NOTCH2: variants seen among roughly 807,000 people sequenced by gnomAD.
NOTCH2 encodes the protein neurogenic locus notch homolog protein 2.
NOTCH2 carries 29 observed loss-of-function variants against 235.8 expected under a neutral mutation model. That is an observed-to-expected ratio of 0.12 (90% CI 0.09 to 0.17). The LOEUF (loss-of-function observed/expected upper bound fraction) is 0.17. NOTCH2 is among the 10% of genes least tolerant of loss of function. NOTCH2 has a pLI of 1.00. For synonymous variants in NOTCH2, 1,086 were observed against 1,141.5 expected, an observed-to-expected ratio of 0.95 and a Z score of 0.98; for missense variants, 2,285 against 3,150.2, an observed-to-expected ratio of 0.73 and a Z score of 6.57.
In NOTCH2 at chr1:119,976,832, G is replaced by A. The variant is rs898922993; in HGVS notation, c.875-7088C>T. Among the ~76,000 whole-genome samples the A allele has an allele frequency of 2.6e-5, 4 of 151,944 alleles. 1 individual carries two copies. Among genetic ancestry groups the A allele is most frequent in the Non-Finnish European group, 1.5e-5 (1 of 67,958 alleles). ...TTTCCCTCCTCAGTGGCTAGCACAC[G>A]TTATTCCTTGTGCCTGGGATAGTCT... On this transcript the variant is annotated intron_variant, in intron 5 of 33. Transcript: ENST00000256646.
chr1:119,919,466 G>A lies in NOTCH2; in HGVS notation c.5627C>T (p.Thr1876Ile). 6.2e-7 allele frequency: 1 copy of A among 1,613,860 alleles called. No individual in the cohort carries two copies. Among genetic ancestry groups the A allele is most frequent in the South Asian group, 1.1e-5 (1 of 91,072 alleles). ...GASLQAQTDR[T>I]GEMALHLAAR... ...TGCAAGGTGCAGGGCCATCTCACCA[G>A]TCCGGTCTGTCTGGGCCTGGAGGCT... Residue 1876 changes from threonine to isoleucine, a missense_variant, in exon 31 of 34, where the codon ACT (threonine) becomes ATT (isoleucine). This residue lies in a region of NOTCH2 where 128 missense variants were observed against 255.9 expected (regional missense o/e 0.50). Coordinates refer to ENST00000256646, the MANE Select transcript of NOTCH2 (RefSeq NM_024408.4).
At position 119,914,018 on chromosome 1, in the gene NOTCH2, G is replaced by A. The variant is rs1648978609; in HGVS notation, c.*1288C>T. The A allele has an allele frequency of 4.3e-6, 1 of 233,086 alleles. No individual in the cohort carries two copies. 14.4% of individuals were successfully genotyped at this position (233,086 alleles called of 1,614,324 possible). ...GTGTGAAAGAAAGATTGGTGAGCAGGCCTTTAAGCAGCAAGATAATCAGTA... is the reference window on the plus strand; with the variant it reads ...GTGTGAAAGAAAGATTGGTGAGCAGACCTTTAAGCAGCAAGATAATCAGTA... On this transcript the variant is annotated 3_prime_UTR_variant, in exon 34 of 34. Transcript: ENST00000256646.
chr1:119,918,444 A>G lies in NOTCH2; in HGVS notation c.5891T>C (p.Ile1964Thr), dbSNP rs752665791. The G allele has an allele frequency of 6.2e-7, 1 of 1,614,154 alleles. No homozygotes were observed. The highest frequency in any genetic ancestry group is 1.1e-5 in the South Asian group (1 of 91,080). ...TGCATTCACATCCGCTTGGCAGTTG[A>G]TCAGTTCTGCCACCATTCCCTCCAC... Reference protein sequence around the residue: ...LAVEGMVAELINCQADVNAVD... With the variant: ...LAVEGMVAELTNCQADVNAVD... Residue 1964 changes from isoleucine (I) to threonine (T), a missense_variant, in exon 32 of 34, where the codon ATC (isoleucine) becomes ACC (threonine). Physicochemically the swap from Ile to Thr is moderately conservative, Grantham distance 89. Transcript: ENST00000256646.
At chr1:119,932,607 A>ACATC (rs1553195299) in intron 22 of NOTCH2, among the ~76,000 whole-genome samples, 2 of 148,344 alleles carry the variant, frequency 1.3e-5, no homozygotes, top group African/African-American at 5.0e-5. Context: ...AAACAAACAA[A>ACATC]TATCTATCTA....
At chr1:119,966,225 C>G (rs1291084133) in intron 9 of NOTCH2, 151 bp downstream of exon 9, 9 of 685,364 alleles carry the variant, frequency 1.3e-5, no homozygotes, top group Non-Finnish European at 2.1e-5. Flanking sequence ...AACAAATTCT[C>G]TATTTCTGTA....
chr1:119,998,863 C>T (rs1324455618), intron 3 of NOTCH2, among the ~76,000 whole-genome samples: 3 of 138,508 alleles, frequency 2.2e-5, no homozygotes, highest in Non-Finnish European at 3.1e-5. Context: ...CGACAGGCCC[C>T]GGTTTGTGAT....
intron 26 of NOTCH2, 78 bp from the exon 27 acceptor site, chr1:119,922,856 A>C (rs1649336050): frequency 7.6e-6 from 12 of 1,583,576 alleles, no homozygotes; most frequent in Non-Finnish European, 1.0e-5. Context: ...AGAACATGTC[A>C]TAAAGGGTGA....
chr1:120,010,708 C>T (rs1420237234), intron 2 of NOTCH2, among the ~76,000 whole-genome samples: 38 of 152,354 alleles, frequency 2.5e-4, no homozygotes, highest in African/African-American at 9.1e-4. Flanking sequence ...GAACAGTCTT[C>T]AATGTGGGTG....
chr1:119,986,757 T>C (rs587730212), intron 5 of NOTCH2, among the ~76,000 whole-genome samples: 1 of 152,294 alleles, frequency 6.6e-6, no homozygotes, highest in East Asian at 1.9e-4. Flanking sequence ...CAATAATACC[T>C]GTGAAAATAT....
intron 1 of NOTCH2, among the ~76,000 whole-genome samples, chr1:120,043,234 C>G (rs1176332120): frequency 2.0e-5 from 3 of 148,158 alleles, no homozygotes; most frequent in Admixed American, 6.6e-5. Context: ...GTGAACACCT[C>G]AGCCAAACAA....
At position 120,069,461 on chromosome 1, in the gene NOTCH2, T is replaced by C. The variant is rs1240329520; in HGVS notation, c.-55A>G. ...CCGCCGCCGCCTGGGCAGATCCACATGGGGAGGGGGTCCCGATAGAGGAGC... is the reference window on the plus strand; with the variant it reads ...CCGCCGCCGCCTGGGCAGATCCACACGGGGAGGGGGTCCCGATAGAGGAGC... On this transcript the variant is annotated 5_prime_UTR_variant, in exon 1 of 34. It removes an upstream start codon present in the reference 5' UTR. Coordinates refer to ENST00000256646, the MANE Select transcript of NOTCH2 (RefSeq NM_024408.4). 3.6e-5 allele frequency: 54 copies of C among 1,515,174 alleles called. No individual in the cohort carries two copies. The highest frequency in any genetic ancestry group is 4.4e-5 in the Non-Finnish European group (50 of 1,140,318). The allele number at this position is 1,515,174 out of a possible 1,614,324, so 93.9% of individuals were successfully genotyped here. A position where few individuals can be genotyped will look rare whatever the true frequency, so the allele number is the denominator to read the frequency against.
At chr1:120,012,064 G>A (rs1167228479) in intron 2 of NOTCH2, among the ~76,000 whole-genome samples, 3 of 137,938 alleles carry the variant, frequency 2.2e-5, no homozygotes, top group Admixed American at 2.2e-4. Context: ...GAAGAGGCAG[G>A]ATTCAAACCC....
At chr1:120,069,239 G>A in intron 1 of NOTCH2, 95 bp downstream of exon 1, 1 of 1,527,502 alleles carries the variant, frequency 6.5e-7, no homozygotes, top group Non-Finnish European at 8.7e-7. Context: ...GGCCGAGCCT[G>A]GCCTTCCCAC....
At chr1:119,919,198 C>T (rs1386093082) in intron 31 of NOTCH2, 114 bp downstream of exon 31, 45 of 1,171,078 alleles carry the variant, frequency 3.8e-5, no homozygotes, top group Non-Finnish European at 5.4e-5. Flanking sequence ...TAATACCTGC[C>T]CTAATCTCTC....
At chr1:119,967,377 A>G in intron 8 of NOTCH2, 56 bp downstream of exon 8, 1 of 1,461,550 alleles carries the variant, frequency 6.8e-7, no homozygotes, top group Non-Finnish European at 9.6e-7. Context: ...CTCTACCAAG[A>G]GAAGTTCAGA....
intron 1 of NOTCH2, among the ~76,000 whole-genome samples, chr1:120,034,392 C>T (rs1188243645): frequency 1.0e-4 from 12 of 119,450 alleles, no homozygotes; most frequent in African/African-American, 4.5e-4. Flanking sequence ...TCTCATCACT[C>T]CATCATTTGG....
intron 4 of NOTCH2, 92 bp from the exon 5 acceptor site, chr1:119,987,174 C>G (rs1016544787): frequency 1.4e-6 from 2 of 1,480,934 alleles, no homozygotes; most frequent in East Asian, 2.3e-5. Context: ...TAGAATAGAC[C>G]CGCTTCATGA....
At position 119,916,579 on chromosome 1, in the gene NOTCH2, T is replaced by C. The variant is rs1396463321; in HGVS notation, c.6143A>G (p.Asp2048Gly). The change falls in exon 34 of 34, where the codon GAT (aspartate) becomes GGT (glycine). Residue 2048 changes from aspartate to glycine, a missense_variant. By Grantham distance (94) the Asp-to-Gly change is moderately conservative. Around this residue, in one of 6 missense-constraint regions of NOTCH2, gnomAD observed 128 missense variants for 255.9 expected, o/e 0.50. Transcript: ENST00000256646. ...ATGGTGCATGCGATCCCGAGCCACA[T>C]CCCGGGGAAGACGATCCATATGGTC... Reference protein sequence around the residue: ...ITDHMDRLPRDVARDRMHHDI... With the variant: ...ITDHMDRLPRGVARDRMHHDI... 6.2e-7 allele frequency: 1 copy of C among 1,613,972 alleles called. No homozygotes were observed. Among genetic ancestry groups the C allele is most frequent in the Non-Finnish European group, 8.5e-7 (1 of 1,180,020 alleles).
intron 23 of NOTCH2, 27 bp downstream of exon 23, chr1:119,928,949 T>C (rs1553194776): frequency 6.3e-7 from 1 of 1,593,528 alleles, no homozygotes. Flanking sequence ...CAAGGCAGAG[T>C]GGCCAGGAGG....
Sources: allele counts gnomAD v4.1 joint callset (sites outside exome capture counted in the v4.1 genomes callset), GRCh38; gene constraint gnomAD v4.1.1; regional missense constraint gnomAD v4.1.1; transcripts MANE v1.5; gene names NCBI Gene and HGNC (gene_info 2026-07-23, HGNC 2026-07-21).